The following HS3ST3A1 variants were observed in gnomAD, a reference collection of about 807,000 sequenced individuals.
HS3ST3A1 encodes the protein heparan sulfate-glucosamine 3-sulfotransferase 3A1, also known as heparan sulfate glucosamine 3-O-sulfotransferase 3A1.
HS3ST3A1 carries 19 observed loss-of-function variants against 25.7 expected under a neutral mutation model. The observed-to-expected ratio is 0.74, with a 90% confidence interval of 0.52 to 1.08. The LOEUF is 1.08. HS3ST3A1 is among the 50% of genes least tolerant of loss of function. The pLI is 0.00. For missense variants in HS3ST3A1, 459 were observed against 594.3 expected, an observed-to-expected ratio of 0.77 and a Z score of 2.37; for synonymous variants, 226 against 278.6, an observed-to-expected ratio of 0.81 and a Z score of 1.88.
chr17:13,598,510 A>C (rs1412367832), intron 1 of HS3ST3A1, among the ~76,000 whole-genome samples: 1 of 152,236 alleles, frequency 6.6e-6, no homozygotes, highest in Non-Finnish European at 1.5e-5. Context: ...AATTAAATTC[A>C]GCAAACCGTG....
intron 1 of HS3ST3A1, 30 bp from the exon 2 acceptor site, chr17:13,496,848 TG>T (rs1667655705): frequency 6.2e-7 from 1 of 1,600,040 alleles, no homozygotes; most frequent in Non-Finnish European, 8.5e-7. Flanking sequence ...ATGTCAGAGA[TG>T]TGCAGAGAGA....
Position 13,582,841 on chromosome 17 carries a change from C to T in HS3ST3A1, c.599+17690G>A, listed in dbSNP as rs932493830. ...AGATAATGCTGTAATACAGAGTAAC[C>T]TCTGGCAGGCAAAGATTCACATTTG... is the stretch of plus-strand genomic sequence containing the variant. On this transcript the variant is annotated intron_variant, in intron 1 of 1. Transcript: ENST00000284110. Among the ~76,000 whole-genome samples, 11 of 152,252 alleles carry T rather than the reference C, an allele frequency of 7.2e-5. No homozygotes were observed. In the East Asian group the frequency reaches 1.7e-3, roughly 24 times the overall value.
chr17:13,534,547 C>CAAAAAAA (rs34383911), intron 1 of HS3ST3A1, among the ~76,000 whole-genome samples: 531 of 32,818 alleles, frequency 0.016, 22 homozygotes, highest in Non-Finnish European at 0.021. Context: ...CTACAAAATC[C>CAAAAAAA]AAAAAAAAAA....
chr17:13,558,827 A>G (rs3785698), intron 1 of HS3ST3A1, among the ~76,000 whole-genome samples: 53,174 of 152,124 alleles, frequency 0.35, 11,871 homozygotes, highest in African/African-American at 0.64. Context: ...TTGTCACAAA[A>G]ATGTTTACGA....
chr17:13,572,726 C>T (rs552428770), intron 1 of HS3ST3A1, among the ~76,000 whole-genome samples: 111 of 152,252 alleles, frequency 7.3e-4, no homozygotes, highest in African/African-American at 2.5e-3. Context: ...ATTAAGTAGA[C>T]GGGGAATTCA....
intron 1 of HS3ST3A1, among the ~76,000 whole-genome samples, chr17:13,568,792 A>C (rs1049014979): frequency 6.6e-6 from 1 of 152,146 alleles, no homozygotes; most frequent in African/African-American, 2.4e-5. Flanking sequence ...CACTCGGAAC[A>C]GCTTCAGTTT....
At chr17:13,538,715 G>A (rs949037442) in intron 1 of HS3ST3A1, among the ~76,000 whole-genome samples, 1 of 152,020 alleles carries the variant, frequency 6.6e-6, no homozygotes, top group Admixed American at 6.6e-5. Context: ...GAAGTCCCAG[G>A]TGTTTTGGTT....
chr17:13,588,387 A>G (rs569014786), intron 1 of HS3ST3A1, among the ~76,000 whole-genome samples: 1 of 152,294 alleles, frequency 6.6e-6, no homozygotes, highest in East Asian at 1.9e-4. Flanking sequence ...ATAGGGTTAA[A>G]AGAATTGAAG....
intron 1 of HS3ST3A1, among the ~76,000 whole-genome samples, chr17:13,521,565 G>A (rs1042009825): frequency 6.6e-6 from 1 of 152,148 alleles, no homozygotes; most frequent in African/African-American, 2.4e-5. Flanking sequence ...CACTTAGAGA[G>A]GCATTCGTTA....
At chr17:13,547,322 T>TG (rs771568572) in intron 1 of HS3ST3A1, among the ~76,000 whole-genome samples, 26 of 152,188 alleles carry the variant, frequency 1.7e-4, no homozygotes, top group Non-Finnish European at 3.5e-4. Context: ...GACTGATGGT[T>TG]GGGGGGCCCC....
At chr17:13,542,773 A>T (rs1906971962) in intron 1 of HS3ST3A1, among the ~76,000 whole-genome samples, 1 of 152,086 alleles carries the variant, frequency 6.6e-6, no homozygotes, top group African/African-American at 2.4e-5. Context: ...TAGCCTCAGG[A>T]TGGGGGATGG....
rs761755593 is a variant in HS3ST3A1 at position 13,600,580 on chromosome 17, C to A, written c.550G>T (p.Glu184Ter). 1 of 1,601,134 alleles carries A rather than the reference C, an allele frequency of 6.2e-7. No individual in the cohort carries two copies. The highest frequency in any genetic ancestry group is 2.2e-5 in the East Asian group (1 of 44,646). ...VHPDVRAVGA[E>*]PHFFDRSYDK... ...TAGCTGCGGTCGAAGAAGTGGGGCT[C>A]GGCGCCCACGGCGCGCACGTCGGGG... The change falls in exon 1 of 2, where the codon GAG becomes TAG. Residue 184 changes from glutamate (E) to a stop codon, truncating the protein, a stop_gained. Coordinates refer to ENST00000284110, the MANE Select transcript of HS3ST3A1 (RefSeq NM_006042.3). LOFTEE classifies it high-confidence loss of function.
chr17:13,546,625 T>C (rs1305602669), intron 1 of HS3ST3A1, among the ~76,000 whole-genome samples: 2 of 152,216 alleles, frequency 1.3e-5, no homozygotes, highest in African/African-American at 2.4e-5. Flanking sequence ...GATTTCCCTA[T>C]GGAAATGGCA....
chr17:13,523,725 C>T (rs1703586792), intron 1 of HS3ST3A1, among the ~76,000 whole-genome samples: 1 of 152,018 alleles, frequency 6.6e-6, no homozygotes, highest in Non-Finnish European at 1.5e-5. Context: ...TGCTTTGTTT[C>T]CCACAGAGAG....
chr17:13,591,691 C>T (rs1295827245), intron 1 of HS3ST3A1, among the ~76,000 whole-genome samples: 4 of 144,690 alleles, frequency 2.8e-5, no homozygotes, highest in Non-Finnish European at 4.5e-5. Context: ...CAGAGTCTCA[C>T]TCTGTTGCCC....
chr17:13,578,617 T>A (rs1042975210), intron 1 of HS3ST3A1, among the ~76,000 whole-genome samples: 5 of 151,532 alleles, frequency 3.3e-5, no homozygotes, highest in African/African-American at 1.2e-4. Flanking sequence ...GAAAATTTAT[T>A]CAATCTAATC....
rs144437572 is a variant in HS3ST3A1 at position 13,592,075 on chromosome 17, T to A, written c.599+8456A>T. ...TCTTTGAGACATTGATGGCTTGCTA[T>A]GTAGGCAGGTAGCAAGAACTACCTC... On this transcript the variant is annotated intron_variant, in intron 1 of 1. Transcript: ENST00000284110. Among the ~76,000 whole-genome samples, 1,349 of 152,298 alleles carry A rather than the reference T, an allele frequency of 8.9e-3. 17 individuals are homozygous for A. Among genetic ancestry groups the A allele is most frequent in the African/African-American group, 0.031 (1,294 of 41,560 alleles).
intron 1 of HS3ST3A1, among the ~76,000 whole-genome samples, chr17:13,541,428 C>T (rs1415852044): frequency 6.6e-6 from 1 of 152,182 alleles, no homozygotes; most frequent in Non-Finnish European, 1.5e-5. Flanking sequence ...TAACCTCATC[C>T]TGGGTAATTC....
rs1256654850 is a variant in HS3ST3A1 at position 13,542,031 on chromosome 17, T to C, written c.600-45213A>G. 2.0e-5 allele frequency among the ~76,000 whole-genome samples: 3 copies of C among 152,044 alleles called. No homozygotes were observed. The East Asian group carries it at 5.8e-4, about 29-fold the overall frequency. On this transcript the variant is annotated intron_variant, in intron 1 of 1. Coordinates refer to ENST00000284110, the MANE Select transcript of HS3ST3A1 (RefSeq NM_006042.3). ...ATTAAAGGGCATTAAAGGAGGTTAT[T>C]AAAGTTAAATGAGGGGTCGGGCACA...
Sources: gnomAD v4.1 joint callset for allele counts (sites outside exome capture counted in the v4.1 genomes callset) on GRCh38, gnomAD v4.1.1 for gene constraint, MANE v1.5 for transcripts, NCBI Gene and HGNC (gene_info 2026-07-23, HGNC 2026-07-21) for gene names.